The following DPP8 variants were observed in gnomAD, a reference collection of about 807,000 sequenced individuals.
The protein encoded by DPP8 is DPP VIII.
In DPP8, 31 loss-of-function variants were observed where a neutral mutation model predicts 107.5. The observed-to-expected ratio is 0.29, with a 90% confidence interval of 0.22 to 0.39. DPP8 has a LOEUF of 0.39. Ranked by LOEUF, DPP8 falls within the 10% of genes least tolerant of loss-of-function variation. The pLI is 1.00. For missense variants in DPP8, 842 were observed against 1,076.1 expected, an observed-to-expected ratio of 0.78 and a Z score of 3.04; for synonymous variants, 381 against 356.6, an observed-to-expected ratio of 1.07 and a Z score of -0.77.
chr15:65,488,032 A>G (rs2082703459), intron 6 of DPP8, among the ~76,000 whole-genome samples: 1 of 152,198 alleles, frequency 6.6e-6, no homozygotes, highest in South Asian at 2.1e-4. Flanking sequence ...ACTGGAGATG[A>G]TATGTATACA....
intron 19 of DPP8, 54 bp from the exon 20 acceptor site, chr15:65,447,060 A>G: frequency 7.2e-7 from 1 of 1,387,498 alleles, no homozygotes; most frequent in Non-Finnish European, 9.7e-7. Flanking sequence ...TTAGTAATAC[A>G]TCTTCTTCCA....
Position 65,512,385 on chromosome 15 carries a change from C to T in DPP8, c.169G>A (p.Gly57Ser). Residue 57 changes from glycine to serine, a missense_variant, in exon 2 of 20, where the codon GGC (glycine) becomes AGC (serine). Gly to Ser is a moderately conservative substitution (Grantham distance 56, BLOSUM62 0). Coordinates refer to ENST00000300141, the MANE Select transcript of DPP8 (RefSeq NM_130434.5). ...KLLADTRKYH[G>S]YMMAKAPHDF... ...TGTGGTGCCTTAGCCATCATGTAGC[C>T]ATGATATTTTCTGGTATCGGCAAGC... The T allele has an allele frequency of 6.2e-7, 1 of 1,614,062 alleles. No homozygotes were observed. The highest frequency in any genetic ancestry group is 8.5e-7 in the Non-Finnish European group (1 of 1,180,006).
rs2066646503 is a variant in DPP8, at chr15:65,478,885, G to A, written c.1451C>T (p.Ala484Val). ...KYKRSSGGLPAPSDFKCPIKE... is the reference protein window; with the variant it reads ...KYKRSSGGLPVPSDFKCPIKE... ...AAATAAAATGGATTTCTTACTTGGA[G>A]CAGGCAGCCCACCACTGGATCGTTT... is the stretch of plus-strand genomic sequence containing the variant. The change falls in exon 11 of 20, where the codon GCT becomes GTT. Residue 484 changes from alanine (A) to valine (V), a missense_variant. By Grantham distance (64) the Ala-to-Val change is moderately conservative. This residue lies in a region of DPP8 where 663 missense variants were observed against 758.0 expected (regional missense o/e 0.87). Coordinates refer to ENST00000300141, the MANE Select transcript of DPP8 (RefSeq NM_130434.5). 1.3e-6 allele frequency: 2 copies of A among 1,556,400 alleles called. No individual in the cohort carries two copies. The highest frequency in any genetic ancestry group is 1.7e-6 in the Non-Finnish European group (2 of 1,159,018).
chr15:65,478,998 C>T lies in DPP8; in HGVS notation c.1338G>A (p.Glu446=). ...CAGAGGCAAAAATAAACTCAATTTC[C>T]TCTTCGTGACTTTGGGGAAAAACAT... ...IFHVFPQSHE[E]EIEFIFASEC... The change falls in exon 11 of 20, where the codon GAG becomes GAA. Residue 446 remains glutamate, a synonymous_variant. Transcript: ENST00000300141. 1 of 1,588,678 alleles carries T rather than the reference C, an allele frequency of 6.3e-7. No individual in the cohort carries two copies. The highest frequency in any genetic ancestry group is 1.2e-5 in the South Asian group (1 of 85,060).
rs764405977 is a variant in DPP8 at position 65,467,218 on chromosome 15, T to C, written c.1542A>G (p.Gln514=). The change falls in exon 13 of 20, where the codon CAA becomes CAG. Residue 514 remains glutamine, a synonymous_variant. Transcript: ENST00000300141. The part of the protein sequence containing the change: ...EVLGRHGSNI[Q]VDEVRRLVYF... ...ATACCAGCCTTCTGACTTCATCAAC[T>C]TGGATCTGACAAGATAACAACAATA... 4 of 1,614,074 alleles carry C rather than the reference T, an allele frequency of 2.5e-6. No individual in the cohort carries two copies. In the South Asian group the frequency reaches 4.4e-5, roughly 18 times the overall value.
chr15:65,495,473 G>A (rs1311781244), intron 5 of DPP8, among the ~76,000 whole-genome samples: 2 of 151,990 alleles, frequency 1.3e-5, no homozygotes, highest in East Asian at 3.9e-4. Flanking sequence ...GTGTGGTGGT[G>A]TGCACCTGTA....
At chr15:65,503,389 A>G (rs1243004397) in intron 3 of DPP8, among the ~76,000 whole-genome samples, 1 of 151,792 alleles carries the variant, frequency 6.6e-6, no homozygotes, top group Non-Finnish European at 1.5e-5. Context: ...TACAGGCGTG[A>G]GCCACCATGC....
intron 15 of DPP8, among the ~76,000 whole-genome samples, chr15:65,461,517 C>A (rs1263236654): frequency 3.3e-5 from 5 of 152,082 alleles, no homozygotes; most frequent in East Asian, 1.9e-4. Flanking sequence ...GGAAAATCTT[C>A]TTATTTAGTC....
intron 4 of DPP8, 143 bp downstream of exon 4, chr15:65,500,463 G>T: frequency 1.5e-6 from 1 of 650,442 alleles, no homozygotes. Context: ...CAATCTCCAT[G>T]TTTCTTGTTT....
rs1415628104 is a variant in DPP8, at chr15:65,450,554, TG to T, written c.2526+444del. Among the ~76,000 whole-genome samples, 4 of 152,240 alleles carry T rather than the reference TG, an allele frequency of 2.6e-5. No individual in the cohort carries two copies. The East Asian group carries it at 7.7e-4, about 29-fold the overall frequency. On this transcript the variant is annotated intron_variant, in intron 19 of 19. Transcript: ENST00000300141. The stretch of plus-strand genomic sequence containing the variant: ...AACTGGAATAAGGAGCAATGAATAA[TG>T]GAGCAATGGAGGAGAGTAACTTGCT...
At chr15:65,496,146 G>C (rs536274637) in intron 5 of DPP8, among the ~76,000 whole-genome samples, 1 of 151,898 alleles carries the variant, frequency 6.6e-6, no homozygotes, top group Admixed American at 6.6e-5. Flanking sequence ...ACCACGCCCG[G>C]CTAATTTTTT....
chr15:65,457,709 T>G (rs1164467716), intron 15 of DPP8, among the ~76,000 whole-genome samples: 1 of 152,160 alleles, frequency 6.6e-6, no homozygotes, highest in Non-Finnish European at 1.5e-5. Context: ...GCTAAATGAA[T>G]GAATGAAAAA....
At chr15:65,500,208 C>A (rs1348431595) in intron 4 of DPP8, among the ~76,000 whole-genome samples, 1 of 152,080 alleles carries the variant, frequency 6.6e-6, no homozygotes, top group Non-Finnish European at 1.5e-5. Context: ...AACCTGAGGT[C>A]AGGAGTTCAA....
rs763416291 is a variant in DPP8 at position 65,454,363 on chromosome 15, C to A, written c.2171G>T (p.Arg724Leu). The change falls in exon 17 of 20, where the codon CGA becomes CTA. Residue 724 changes from arginine to leucine, a missense_variant. Around this residue, in one of 2 missense-constraint regions of DPP8, gnomAD observed 179 missense variants for 318.0 expected, o/e 0.56. Coordinates refer to ENST00000300141, the MANE Select transcript of DPP8 (RefSeq NM_130434.5). ...QVEGLQYLAS[R>L]YDFIDLDRVG... Reference sequence around the variant, plus strand: ...ACGATCTAAGTCAATGAAATCATATCGAGAAGCTAGATATTGGAGTCCTTC... The same window carrying A: ...ACGATCTAAGTCAATGAAATCATATAGAGAAGCTAGATATTGGAGTCCTTC... 1.0e-5 allele frequency: 16 copies of A among 1,604,230 alleles called. No homozygotes were observed. Among genetic ancestry groups the A allele is most frequent in the Non-Finnish European group, 1.4e-5 (16 of 1,176,820 alleles).
intron 2 of DPP8, among the ~76,000 whole-genome samples, chr15:65,508,553 T>C (rs2070357128): frequency 6.6e-6 from 1 of 152,068 alleles, no homozygotes; most frequent in South Asian, 2.1e-4. Flanking sequence ...AGCCTTTCTA[T>C]TCTAAAAAGG....
rs1015846438 is a variant in DPP8 at position 65,451,995 on chromosome 15, T to C, written c.2379A>G (p.Gly793=). 3 of 1,609,026 alleles carry C rather than the reference T, an allele frequency of 1.9e-6. No individual in the cohort carries two copies. Among genetic ancestry groups the C allele is most frequent in the East Asian group, 2.2e-5 (1 of 44,606 alleles). Residue 793 remains glycine, a synonymous_variant, in exon 18 of 20, where the codon GGA becomes GGG. Coordinates refer to ENST00000300141, the MANE Select transcript of DPP8 (RefSeq NM_130434.5). ...ACTTTTCTGCTTGCATGGCCACAGA[T>C]CCTAAGTAATAGCCCTGTTCATTCT... ...PDQNEQGYYL[G]SVAMQAEKFP...
At chr15:65,464,499 T>A (rs2065177502) in intron 14 of DPP8, among the ~76,000 whole-genome samples, 1 of 152,016 alleles carries the variant, frequency 6.6e-6, no homozygotes. Flanking sequence ...CTGGGTGGCA[T>A]GGCAAAACCC....
intron 5 of DPP8, 96 bp downstream of exon 5, chr15:65,497,768 T>A: frequency 1.0e-6 from 1 of 973,594 alleles, no homozygotes. Context: ...AATATAAAGA[T>A]CACCCAACGT....
At chr15:65,454,229 A>G in intron 17 of DPP8, 34 bp downstream of exon 17, 1 of 1,418,652 alleles carries the variant, frequency 7.0e-7, no homozygotes. Flanking sequence ...ATCTACCCTT[A>G]TTGCAAAAAT....
Sources: allele counts gnomAD v4.1 joint callset (sites outside exome capture counted in the v4.1 genomes callset), GRCh38; gene constraint gnomAD v4.1.1; regional missense constraint gnomAD v4.1.1; transcripts MANE v1.5; gene names NCBI Gene and HGNC (gene_info 2026-07-23, HGNC 2026-07-21).